SAMD5: variants seen among roughly 807,000 people sequenced by gnomAD.
SAMD5 encodes the protein sterile alpha motif domain containing 5.
In SAMD5, 13 loss-of-function variants were observed where a neutral mutation model predicts 11.3. That is an observed-to-expected ratio of 1.15 (90% confidence interval 0.75 to 1.83). The LOEUF is 1.83. Ranked by LOEUF, SAMD5 falls within the 40% of genes most tolerant of loss-of-function variation. SAMD5 has a pLI of 0.00. For missense variants in SAMD5, 255 were observed against 239.1 expected (o/e 1.07, Z -0.44); for synonymous variants, 129 against 111.3 (o/e 1.16, Z -1.00).
At chr6:147,689,489 A>G (rs1791069157) in intron 1 of SAMD5, among the ~76,000 whole-genome samples, 1 of 152,342 alleles carries the variant, frequency 6.6e-6, no homozygotes, top group Non-Finnish European at 1.5e-5. Context: ...TTAAAAAGAC[A>G]GTGTATATAA....
At position 147,569,304 on chromosome 6, in the gene SAMD5, T is replaced by C. The variant is rs145705054; in HGVS notation, c.*4848T>C. On this transcript the variant is annotated 3_prime_UTR_variant, in exon 2 of 2. Coordinates refer to ENST00000367474, the MANE Select transcript of SAMD5 (RefSeq NM_001030060.3). ...TGAAATAGATAATTTTTTAAAATTGTTTAAACTCCTGGAAATTAAGTGTTA... is the reference window on the plus strand; with the variant it reads ...TGAAATAGATAATTTTTTAAAATTGCTTAAACTCCTGGAAATTAAGTGTTA... 204 of 466,638 alleles carry C rather than the reference T, an allele frequency of 4.4e-4. 1 individual carries two copies. Among genetic ancestry groups the C allele is most frequent in the Middle Eastern group, 1.1e-3 (1 of 910 alleles). The allele number at this position is 466,638 out of a possible 1,614,324, so 28.9% of individuals were successfully genotyped here. A position where few individuals can be genotyped will look rare whatever the true frequency, so the allele number is the denominator to read the frequency against.
chr6:147,567,352 G>A lies in SAMD5; in HGVS notation c.*2896G>A. 1.0e-6 allele frequency: 1 copy of A among 985,064 alleles called. No homozygotes were observed. The highest frequency in any genetic ancestry group is 1.2e-6 in the Non-Finnish European group (1 of 829,624). The allele number at this position is 985,064 out of a possible 1,614,324, so 61.0% of individuals were successfully genotyped here. On this transcript the variant is annotated 3_prime_UTR_variant, in exon 2 of 2. Coordinates refer to ENST00000367474, the MANE Select transcript of SAMD5 (RefSeq NM_001030060.3). Reference sequence around the variant, plus strand: ...ATCTTGGTGTTATGCAATAAACAATGACAACAACAAGCATTGAGCTTTCAC... The same window carrying A: ...ATCTTGGTGTTATGCAATAAACAATAACAACAACAAGCATTGAGCTTTCAC...
In SAMD5 at chr6:147,736,593, T is replaced by C. The variant is rs139719195; in HGVS notation, c.163-724T>C. On this transcript the variant is annotated intron_variant, in intron 1 of 1. Coordinates refer to the SAMD5 transcript ENST00000566741. ...CACAGGGAAGCAAGAGATTACTATA[T>C]ACATGTACCAACTATTTACATAGAC... is the stretch of plus-strand genomic sequence containing the variant. 3.8e-3 allele frequency among the ~76,000 whole-genome samples: 581 copies of C among 152,308 alleles called. 1 individual carries two copies. Among genetic ancestry groups the C allele is most frequent in the African/African-American group, 0.013 (545 of 41,566 alleles).
chr6:147,678,858 T>C (rs1192905562), intron 1 of SAMD5, among the ~76,000 whole-genome samples: 1 of 152,158 alleles, frequency 6.6e-6, no homozygotes, highest in East Asian at 1.9e-4. Context: ...ACAATTGTGT[T>C]AAGTTTGACA....
chr6:147,761,022 C>A, the SAMD5 span, among the ~76,000 whole-genome samples: 2 of 152,124 alleles, frequency 1.3e-5, 1 homozygote, highest in South Asian at 4.1e-4. Flanking sequence ...CTTTAAAATT[C>A]TTTTAGCAGT....
the SAMD5 span, among the ~76,000 whole-genome samples, chr6:147,846,525 T>G: frequency 6.6e-6 from 1 of 152,178 alleles, no homozygotes; most frequent in Non-Finnish European, 1.5e-5. Context: ...GAACCTAGTA[T>G]TATTTCAAAG....
intron 1 of SAMD5, among the ~76,000 whole-genome samples, chr6:147,694,795 G>T (rs7741981): frequency 0.18 from 26,859 of 152,154 alleles, 2,674 homozygotes; most frequent in African/African-American, 0.28. Context: ...CCAGCCTGGC[G>T]ACAGAGCAAA....
chr6:147,690,840 G>A (rs1791090396), intron 1 of SAMD5, among the ~76,000 whole-genome samples: 1 of 152,016 alleles, frequency 6.6e-6, no homozygotes, highest in Admixed American at 6.6e-5. Context: ...TCCAGATGTT[G>A]GCATTCACCA....
At chr6:147,707,119 A>G (rs1791335324) in intron 1 of SAMD5, among the ~76,000 whole-genome samples, 1 of 152,232 alleles carries the variant, frequency 6.6e-6, no homozygotes, top group Non-Finnish European at 1.5e-5. Context: ...GCTGTTGTTC[A>G]CATCCTTATC....
the SAMD5 span, among the ~76,000 whole-genome samples, chr6:147,752,244 A>G: frequency 1.3e-5 from 2 of 152,214 alleles, no homozygotes; most frequent in Non-Finnish European, 2.9e-5. Flanking sequence ...TGCCTTTAAA[A>G]ATAAACTGTT....
At chr6:147,755,881 G>C in the SAMD5 span, among the ~76,000 whole-genome samples, 1 of 152,076 alleles carries the variant, frequency 6.6e-6, no homozygotes, top group African/African-American at 2.4e-5. Context: ...TATATGTTAA[G>C]TTACTGACTT....
the SAMD5 span, among the ~76,000 whole-genome samples, chr6:147,793,265 G>C: frequency 6.6e-6 from 1 of 152,064 alleles, no homozygotes; most frequent in African/African-American, 2.4e-5. Context: ...TTAACCATGA[G>C]AAAAACATCA....
chr6:147,572,489 A>G (rs888905710), downstream of SAMD5, among the ~76,000 whole-genome samples: 1 of 152,170 alleles, frequency 6.6e-6, no homozygotes, highest in Non-Finnish European at 1.5e-5. Context: ...CTGAAATGAC[A>G]CAGTGAGACA....
chr6:147,921,647 A>G, the SAMD5 span, among the ~76,000 whole-genome samples: 1 of 152,198 alleles, frequency 6.6e-6, no homozygotes, highest in Admixed American at 6.5e-5. Context: ...ATCCTGCTTT[A>G]TCCCAAACCT....
At chr6:147,587,517 A>G (rs1464863627) in intron 1 of SAMD5, among the ~76,000 whole-genome samples, 1 of 152,210 alleles carries the variant, frequency 6.6e-6, no homozygotes, top group Non-Finnish European at 1.5e-5. Context: ...CATTACAGGC[A>G]TGAGCCACTG....
the SAMD5 span, among the ~76,000 whole-genome samples, chr6:147,844,489 C>A: frequency 6.6e-6 from 1 of 152,080 alleles, no homozygotes; most frequent in East Asian, 1.9e-4. Flanking sequence ...CCACTTCTGG[C>A]ATACACCGAA....
At chr6:147,664,092 C>T (rs2037587) in intron 1 of SAMD5, among the ~76,000 whole-genome samples, 2,625 of 152,136 alleles carry the variant, frequency 0.017, 64 homozygotes, top group African/African-American at 0.06. Context: ...AGTATTGTCT[C>T]ATTCCACCTT....
intron 1 of SAMD5, among the ~76,000 whole-genome samples, chr6:147,720,071 G>T (rs1469970761): frequency 6.6e-6 from 1 of 152,184 alleles, no homozygotes; most frequent in Non-Finnish European, 1.5e-5. Flanking sequence ...AAGGAATGCA[G>T]AATTGCAATG....
At chr6:147,917,014 C>T in the SAMD5 span, among the ~76,000 whole-genome samples, 2 of 146,278 alleles carry the variant, frequency 1.4e-5, no homozygotes, top group Admixed American at 6.9e-5. Flanking sequence ...CCACAATAAA[C>T]ATACATGTGC....
Sources: allele counts gnomAD v4.1 joint callset (sites outside exome capture counted in the v4.1 genomes callset), GRCh38; gene constraint gnomAD v4.1.1; transcripts MANE v1.5; gene names NCBI Gene and HGNC (gene_info 2026-07-23, HGNC 2026-07-21).